The following MYBL1 variants were observed in gnomAD, a reference collection of about 807,000 sequenced individuals.
The protein encoded by MYBL1 is myb-related protein A.
In MYBL1, 17 loss-of-function variants were observed where a neutral mutation model predicts 96.3. The observed-to-expected ratio is 0.18, with a 90% CI of 0.12 to 0.26. The LOEUF is 0.26. MYBL1 is among the 10% of genes least tolerant of loss of function. The pLI is 1.00. For synonymous variants in MYBL1, 282 were observed against 292.7 expected (o/e 0.96, Z 0.37); for missense variants, 701 against 882.9 (o/e 0.79, Z 2.61).
chr8:66,601,177 C>CAAAAAAAAAAAAA (rs1167336780), intron 3 of MYBL1, among the ~76,000 whole-genome samples: 1 of 13,900 alleles, frequency 7.2e-5, no homozygotes. Flanking sequence ...AACTCCGTCT[C>CAAAAAAAAAAAAA]AAAAAAAAAA....
Position 66,564,697 on chromosome 8 carries a change from T to C in MYBL1, c.2259A>G (p.Ter753=). The C allele has an allele frequency of 1.3e-6, 2 of 1,571,582 alleles. No individual in the cohort carries two copies. Among genetic ancestry groups the C allele is most frequent in the Non-Finnish European group, 1.7e-6 (2 of 1,155,470 alleles). The change falls in exon 16 of 16, where the codon TAA becomes TAG. Residue 753 remains the stop codon, a stop_retained_variant. Coordinates refer to ENST00000522677, the MANE Select transcript of MYBL1 (RefSeq NM_001080416.4). The part of the protein sequence containing the change: ...TSSTSRALIL[*] ...GGCATTTCATCAATTTTAATAACAA[T>C]TACAGTATGAGAGCTCTTGAAGTAC...
In MYBL1 at chr8:66,580,144, G is replaced by T. The variant is rs372059344; in HGVS notation, c.1090C>A (p.Leu364Ile). The T allele has an allele frequency of 1.1e-5, 18 of 1,610,440 alleles. No individual in the cohort carries two copies. Among genetic ancestry groups the T allele is most frequent in the Non-Finnish European group, 1.4e-5 (16 of 1,177,060 alleles). ...TIPEFAETLE[L>I]IESDPVAWSD... ...AATTTTTTACTTACAGATTCAATAA[G>T]TTCTAGAGTCTCTGCAAATTCTGGG... The change falls in exon 9 of 16, where the codon CTT (leucine) becomes ATT (isoleucine). Residue 364 changes from leucine to isoleucine, a missense_variant. Physicochemically the swap from Leu to Ile is conservative, Grantham distance 5 (BLOSUM62 2). Coordinates refer to ENST00000522677, the MANE Select transcript of MYBL1 (RefSeq NM_001080416.4).
intron 1 of MYBL1, among the ~76,000 whole-genome samples, chr8:66,609,998 T>A (rs1382493528): frequency 1.3e-5 from 2 of 151,964 alleles, no homozygotes; most frequent in African/African-American, 4.8e-5. Flanking sequence ...GCAAAAAACA[T>A]CTTCTATTTC....
At chr8:66,583,933 G>C (rs1809312654) in intron 8 of MYBL1, among the ~76,000 whole-genome samples, 1 of 152,132 alleles carries the variant, frequency 6.6e-6, no homozygotes, top group Non-Finnish European at 1.5e-5. Flanking sequence ...AAACTGAAGA[G>C]TAAGGAATTT....
At chr8:66,607,349 T>C (rs1192784213) in intron 1 of MYBL1, among the ~76,000 whole-genome samples, 1 of 152,120 alleles carries the variant, frequency 6.6e-6, no homozygotes, top group Non-Finnish European at 1.5e-5. Context: ...TAAGAGCACC[T>C]ACCTTTCTTC....
At chr8:66,566,527 A>T (rs1586546434) in intron 14 of MYBL1, among the ~76,000 whole-genome samples, 157 bp downstream of exon 14, 1 of 152,170 alleles carries the variant, frequency 6.6e-6, no homozygotes, top group Admixed American at 6.5e-5. Flanking sequence ...AATATTCTCT[A>T]CAGTGAATAG....
rs1808413889 is a variant in MYBL1, at chr8:66,564,125, A to G, written c.*572T>C. On this transcript the variant is annotated 3_prime_UTR_variant, in exon 16 of 16. Coordinates refer to ENST00000522677, the MANE Select transcript of MYBL1 (RefSeq NM_001080416.4). ...TTGAATGCTTTTTGTTTTCAGTACT[A>G]TGCTCAAATAAATACATTTAACACT... 1 of 152,346 alleles carries G rather than the reference A, an allele frequency of 6.6e-6. No individual in the cohort carries two copies. The highest frequency in any genetic ancestry group is 2.4e-5 in the African/African-American group (1 of 41,442). The allele number at this position is 152,346 out of a possible 1,614,324, so 9.4% of individuals were successfully genotyped here.
chr8:66,599,307 GTTT>G (rs1436434814), intron 3 of MYBL1, among the ~76,000 whole-genome samples, 165 bp from the exon 4 acceptor site: 1 of 152,040 alleles, frequency 6.6e-6, no homozygotes, highest in Non-Finnish European at 1.5e-5. Context: ...CCCCAATTAT[GTTT>G]TTTCTTAATT....
At chr8:66,569,310 T>C (rs1808636527) in intron 12 of MYBL1, among the ~76,000 whole-genome samples, 1 of 151,966 alleles carries the variant, frequency 6.6e-6, no homozygotes. Context: ...GGCTGCATAG[T>C]ATTCTATGGT....
chr8:66,582,991 T>C (rs1809278862), intron 8 of MYBL1, among the ~76,000 whole-genome samples: 1 of 152,188 alleles, frequency 6.6e-6, no homozygotes, highest in African/African-American at 2.4e-5. Context: ...TGCACATTTA[T>C]ACTGAATGAG....
Position 66,613,218 on chromosome 8 carries a change from C to T in MYBL1, c.-380G>A, listed in dbSNP as rs923979258. 24 of 399,900 alleles carry T rather than the reference C, an allele frequency of 6.0e-5. No homozygotes were observed. The highest frequency in any genetic ancestry group is 9.7e-5 in the Non-Finnish European group (22 of 225,930). 24.8% of individuals were successfully genotyped at this position (399,900 alleles called of 1,614,324 possible). A position where few individuals can be genotyped will look rare whatever the true frequency, so the allele number is the denominator to read the frequency against. On this transcript the variant is annotated 5_prime_UTR_variant, in exon 1 of 16. Transcript: ENST00000522677. ...CTCTCCCCCGCAGCTAGCAGTTCTG[C>T]AGGGCTCGCAGTCTCCTGCAGGGTT...
Position 66,595,643 on chromosome 8 carries a change from G to T in MYBL1, c.627C>A (p.His209Gln). 1 of 1,592,738 alleles carries T rather than the reference G, an allele frequency of 6.3e-7. No individual in the cohort carries two copies. The highest frequency in any genetic ancestry group is 8.6e-7 in the Non-Finnish European group (1 of 1,168,454). Residue 209 changes from histidine (H) to glutamine (Q), a missense_variant, in exon 6 of 16, where the codon CAC becomes CAA. This residue lies in a region of MYBL1 where 396 missense variants were observed against 407.4 expected (regional missense o/e 0.97). Transcript: ENST00000522677. ...KSERSSSKLQ[H>Q]KPCAAMDHMQ... ...TATGATCCATAGCTGCACAAGGTTTGTGTTGAAGTTTAGATGAAGATCGTT... is the reference window on the plus strand; with the variant it reads ...TATGATCCATAGCTGCACAAGGTTTTTGTTGAAGTTTAGATGAAGATCGTT...
intron 1 of MYBL1, among the ~76,000 whole-genome samples, chr8:66,607,588 C>A (rs1202866784): frequency 6.6e-6 from 1 of 151,454 alleles, no homozygotes; most frequent in African/African-American, 2.4e-5. Flanking sequence ...CCACCTTCTT[C>A]AATACATGTG....
At chr8:66,571,876 CAA>C (rs113777940) in intron 12 of MYBL1, among the ~76,000 whole-genome samples, 30 of 104,068 alleles carry the variant, frequency 2.9e-4, no homozygotes, top group Admixed American at 6.4e-4. Flanking sequence ...GACTGCGTCT[CAA>C]AAAAAAAAAA....
intron 9 of MYBL1, among the ~76,000 whole-genome samples, chr8:66,579,697 T>C (rs1809121907): frequency 6.6e-6 from 1 of 151,172 alleles, no homozygotes; most frequent in East Asian, 1.9e-4. Flanking sequence ...AACAGAAACA[T>C]GCTCATGACA....
intron 7 of MYBL1, 69 bp downstream of exon 7, chr8:66,593,051 G>C (rs1054537469): frequency 4.3e-6 from 4 of 937,664 alleles, no homozygotes; most frequent in East Asian, 5.3e-5. Context: ...TGAGGAAATA[G>C]ATACTATTAG....
In MYBL1 at chr8:66,566,690, G is replaced by A; in HGVS notation, c.1944C>T (p.Asp648=). ...GTQLLTEDIS[D]MQSENRFTTS... ...ATAATAATCCTTTACAAACCTGCAT[G>A]TCTGAAATGTCTTCAGTCAACAGTT... is the stretch of plus-strand genomic sequence containing the variant. The change falls in exon 14 of 16, where the codon GAC becomes GAT. Residue 648 remains aspartate (D), a synonymous_variant. Transcript: ENST00000522677. The A allele has an allele frequency of 1.3e-6, 2 of 1,586,600 alleles. No homozygotes were observed. Among genetic ancestry groups the A allele is most frequent in the South Asian group, 1.1e-5 (1 of 89,554 alleles).
At chr8:66,602,057 T>C (rs1810094687) in intron 2 of MYBL1, among the ~76,000 whole-genome samples, 1 of 152,174 alleles carries the variant, frequency 6.6e-6, no homozygotes, top group African/African-American at 2.4e-5. Flanking sequence ...AGCATTTTTT[T>C]TTTGTTTTTG....
intron 9 of MYBL1, among the ~76,000 whole-genome samples, 173 bp from the exon 10 acceptor site, chr8:66,576,548 T>C (rs1186020922): frequency 6.6e-6 from 1 of 152,200 alleles, no homozygotes; most frequent in Non-Finnish European, 1.5e-5. Context: ...GATTATGGCT[T>C]TCCTATGATT....
Sources: gnomAD v4.1 joint callset for allele counts (sites outside exome capture counted in the v4.1 genomes callset) on GRCh38, gnomAD v4.1.1 for gene constraint, gnomAD v4.1.1 regional missense constraint, MANE v1.5 for transcripts, NCBI Gene and HGNC (gene_info 2026-07-23, HGNC 2026-07-21) for gene names.